ZBBX: variants seen among roughly 807,000 people sequenced by gnomAD.
The protein encoded by ZBBX is zinc finger B-box domain-containing protein 1.
A neutral mutation model predicts 108.5 loss-of-function variants in ZBBX; 101 were observed. That is an observed-to-expected ratio of 0.93 (90% CI 0.79 to 1.10). The LOEUF is 1.10. Among genes scored for constraint, ZBBX ranks in the 50% least tolerant of loss-of-function variants. The probability of loss-of-function intolerance (pLI) is 0.00; values close to 1 mark genes in which losing one functional copy is unlikely to be tolerated. For missense variants in ZBBX, 1,009 were observed against 941.4 expected (o/e 1.07, Z -0.94); for synonymous variants, 356 against 323.4 (o/e 1.10, Z -1.08).
At chr3:167,242,726 A>G in intron 20 of ZBBX, 83 bp from the exon 21 acceptor site, 1 of 1,201,262 alleles carries the variant, frequency 8.3e-7, no homozygotes, top group Non-Finnish European at 1.1e-6. Flanking sequence ...GTTTACCCAG[A>G]GTAAATTACA....
At chr3:167,211,811 G>A in the ZBBX span, among the ~76,000 whole-genome samples, 1 of 151,804 alleles carries the variant, frequency 6.6e-6, no homozygotes, top group African/African-American at 2.4e-5. Context: ...AAACTCTCCA[G>A]CCAACAGAGA....
chr3:167,335,706 T>A (rs936416047), intron 9 of ZBBX, among the ~76,000 whole-genome samples: 4 of 151,658 alleles, frequency 2.6e-5, no homozygotes, highest in African/African-American at 7.3e-5. Flanking sequence ...CTATTAAGAT[T>A]CATTGCAGTC....
At chr3:167,330,312 ATG>A (rs1347149667) in intron 10 of ZBBX, among the ~76,000 whole-genome samples, 2 of 152,214 alleles carry the variant, frequency 1.3e-5, no homozygotes, top group Non-Finnish European at 1.5e-5. Flanking sequence ...AGAGAATGAA[ATG>A]CACTTTCCAT....
intron 20 of ZBBX, among the ~76,000 whole-genome samples, chr3:167,281,810 C>A (rs1207161457): frequency 6.6e-6 from 1 of 152,114 alleles, no homozygotes; most frequent in Admixed American, 6.5e-5. Flanking sequence ...GACAAGATCC[C>A]CTGAATGATC....
chr3:167,317,842 T>A (rs1410966376), intron 12 of ZBBX, among the ~76,000 whole-genome samples: 3 of 152,038 alleles, frequency 2.0e-5, no homozygotes, highest in African/African-American at 7.2e-5. Flanking sequence ...GAGTTTTGTT[T>A]AAGCTAAAAA....
At chr3:167,297,749 G>C (rs372972719) in intron 18 of ZBBX, among the ~76,000 whole-genome samples, 1 of 151,824 alleles carries the variant, frequency 6.6e-6, no homozygotes, top group East Asian at 1.9e-4. Context: ...TCTCCAAAGA[G>C]TATATACAAA....
intron 20 of ZBBX, among the ~76,000 whole-genome samples, chr3:167,244,201 C>A (rs1721178069): frequency 6.6e-6 from 1 of 152,112 alleles, no homozygotes; most frequent in Non-Finnish European, 1.5e-5. Context: ...GGTAGCTCAC[C>A]AATATTGTAA....
chr3:167,378,745 ATC>A lies in ZBBX; in HGVS notation c.-132+891_-132+892del, dbSNP rs552751443. 5.9e-5 allele frequency among the ~76,000 whole-genome samples: 9 copies of A among 152,190 alleles called. No homozygotes were observed. The South Asian group carries it at 1.9e-3, about 32-fold the overall frequency. On this transcript the variant is annotated intron_variant, in intron 2 of 21. Coordinates refer to ENST00000675490, the MANE Select transcript of ZBBX (RefSeq NM_001199201.2). ...CTTTACCCTTAGCATCTCTGCTTTC[ATC>A]TTTTTTACATAATGAGCTTTAGTGT... is the stretch of plus-strand genomic sequence containing the variant.
At chr3:167,279,886 G>A (rs1019813065) in intron 20 of ZBBX, among the ~76,000 whole-genome samples, 4 of 152,188 alleles carry the variant, frequency 2.6e-5, no homozygotes, top group African/African-American at 9.6e-5. Flanking sequence ...CATGGTACTG[G>A]TACCAAAACA....
At chr3:167,228,878 C>T in the ZBBX span, among the ~76,000 whole-genome samples, 1 of 151,862 alleles carries the variant, frequency 6.6e-6, no homozygotes, top group South Asian at 2.1e-4. Flanking sequence ...ATGGGGCTGG[C>T]TTCAGCTTGC....
chr3:167,389,032 ACATGTAC>A lies in ZBBX; in HGVS notation c.-445-8634_-445-8628del, dbSNP rs572124603. 2.0e-5 allele frequency among the ~76,000 whole-genome samples: 3 copies of A among 151,978 alleles called. No homozygotes were observed. In the East Asian group the frequency reaches 5.8e-4, roughly 30 times the overall value. On this transcript the variant is annotated intron_variant, in intron 1 of 21. Transcript: ENST00000455345. ...ACATGCAGGTTTGTTACATAGGTAT[ACATGTAC>A]CATGGTAGTTTGCTGCACCTTTCAA...
the ZBBX span, among the ~76,000 whole-genome samples, chr3:167,196,944 C>T: frequency 1.3e-5 from 2 of 152,064 alleles, no homozygotes; most frequent in Admixed American, 1.3e-4. Flanking sequence ...TCCAAGCATC[C>T]TAAAGGTTAT....
chr3:167,216,067 C>T, the ZBBX span, among the ~76,000 whole-genome samples: 1 of 152,098 alleles, frequency 6.6e-6, no homozygotes, highest in African/African-American at 2.4e-5. Flanking sequence ...AAAACTGGTA[C>T]AAGACAAGGA....
intron 18 of ZBBX, among the ~76,000 whole-genome samples, chr3:167,293,289 C>T (rs1000883899): frequency 4.6e-5 from 7 of 152,070 alleles, no homozygotes; most frequent in East Asian, 1.9e-4. Flanking sequence ...AATATCTATG[C>T]GAAAATCCTC....
chr3:167,401,025 C>T (rs1369607422), intron 1 of ZBBX, among the ~76,000 whole-genome samples: 1 of 152,092 alleles, frequency 6.6e-6, no homozygotes, highest in Non-Finnish European at 1.5e-5. Flanking sequence ...GATTTATTTT[C>T]ATTTCACAAC....
At chr3:167,379,023 A>G (rs901726413) in intron 2 of ZBBX, among the ~76,000 whole-genome samples, 20 of 152,236 alleles carry the variant, frequency 1.3e-4, no homozygotes, top group Admixed American at 1.2e-3. Context: ...AGCAATCAAT[A>G]CAGTCCCTAT....
chr3:167,233,602 T>G, the ZBBX span, among the ~76,000 whole-genome samples: 1 of 151,748 alleles, frequency 6.6e-6, no homozygotes, highest in Non-Finnish European at 1.5e-5. Context: ...TGGTTCCTCT[T>G]CTGAGATTTC....
the ZBBX span, among the ~76,000 whole-genome samples, chr3:167,180,580 T>A: frequency 6.6e-6 from 1 of 152,226 alleles, no homozygotes; most frequent in Non-Finnish European, 1.5e-5. Context: ...ATCCTCCATA[T>A]AATGAATAAC....
At chr3:167,279,799 A>C (rs2108513945) in intron 20 of ZBBX, among the ~76,000 whole-genome samples, 1 of 152,300 alleles carries the variant, frequency 6.6e-6, no homozygotes, top group Non-Finnish European at 1.5e-5. Flanking sequence ...AGTCAATCCT[A>C]AGCCAAAAGA....
Sources: allele counts gnomAD v4.1 joint callset (sites outside exome capture counted in the v4.1 genomes callset), GRCh38; gene constraint gnomAD v4.1.1; transcripts MANE v1.5; gene names NCBI Gene and HGNC (gene_info 2026-07-23, HGNC 2026-07-21).